Variants in MED12 observed in about 807,000 individuals in gnomAD.
MED12 encodes the protein mediator of RNA polymerase II transcription subunit 12.
In MED12, 10 loss-of-function variants were observed where a neutral mutation model predicts 177.7. That is an observed-to-expected ratio of 0.06 (90% CI 0.03 to 0.10). MED12 has a LOEUF of 0.10. Among genes scored for constraint, MED12 ranks in the 10% least tolerant of loss-of-function variants. MED12 has a pLI of 1.00. For missense variants in MED12, 867 were observed against 1,780.8 expected, an observed-to-expected ratio of 0.49 and a Z score of 9.23; for synonymous variants, 641 against 678.4, an observed-to-expected ratio of 0.94 and a Z score of 0.86.
In MED12 at chrX:71,123,678, G is replaced by T. The variant is rs188593863; in HGVS notation, c.1702G>T (p.Asp568Tyr). Residue 568 changes from aspartate (D) to tyrosine (Y), a missense_variant, in exon 12 of 45, where the codon GAT (aspartate) becomes TAT (tyrosine). Physicochemically the swap from Asp to Tyr is radical, Grantham distance 160. Around this residue, in one of 14 missense-constraint regions of MED12, gnomAD observed 309 missense variants for 556.3 expected, o/e 0.56. Transcript: ENST00000374080. Reference sequence around the variant, plus strand: ...TGCTCCCAGTGCTCCCATTTTCCAGGATGTCCTCCTGCAGTTTCTGGATAC... The same window carrying T: ...TGCTCCCAGTGCTCCCATTTTCCAGTATGTCCTCCTGCAGTTTCTGGATAC... ...LSAPSAPIFQ[D>Y]VLLQFLDTQA... 8.3e-7 allele frequency: 1 copy of T among 1,205,443 alleles called. No individual in the cohort carries two copies. The highest frequency in any genetic ancestry group is 1.8e-5 in the African/African-American group (1 of 57,067).
intron 11 of MED12, 37 bp downstream of exon 11, chrX:71,123,263 T>C (rs770365509): frequency 6.9e-5 from 83 of 1,199,632 alleles, no homozygotes; most frequent in Admixed American, 4.6e-4. Context: ...GATTGGCCAA[T>C]GGGAAGGAAT....
chrX:71,124,377 A>G lies in MED12; in HGVS notation c.1963A>G (p.Ser655Gly), dbSNP rs1569481250. The G allele has an allele frequency of 1.7e-6, 2 of 1,198,505 alleles. No homozygotes were observed. Among genetic ancestry groups the G allele is most frequent in the East Asian group, 3.0e-5 (1 of 33,569 alleles). The change falls in exon 13 of 45, where the codon AGC (serine) becomes GGC (glycine). Residue 655 changes from serine (S) to glycine (G), a missense_variant. Ser to Gly is a moderately conservative substitution (Grantham distance 56). Coordinates refer to ENST00000374080, the MANE Select transcript of MED12 (RefSeq NM_005120.3). ...CAAGGAGGCTGAAGGCAGCAGCAGC[A>G]GCAAGCTGGAAGTGAGTGGGCTTTT... ...EHKEAEGSSS[S>G]KLEDPGLSES... is the part of the protein sequence containing the mutation.
chrX:71,121,515 G>A, intron 6 of MED12, 47 bp from the exon 7 acceptor site: 1 of 1,210,524 alleles, frequency 8.3e-7, no homozygotes, highest in East Asian at 3.0e-5. Context: ...TGTTAGAGCA[G>A]GGTCCCCTGG....
rs1602296000 is a variant in MED12, at chrX:71,123,210, C to T, written c.1601C>T (p.Ala534Val). Residue 534 changes from alanine to valine, a missense_variant, in exon 11 of 45, where the codon GCG (alanine) becomes GTG (valine). Physicochemically the swap from Ala to Val is moderately conservative, Grantham distance 64. This residue lies in a region of MED12 where 309 missense variants were observed against 556.3 expected (regional missense o/e 0.56). Transcript: ENST00000374080. ...VVAKLLEKRQ[A>V]EIEAERCGES... Reference sequence around the variant, plus strand: ...GCCAAGCTCCTGGAGAAGAGACAGGCGGAGATTGAGGCTGAGGTTAGAGGG... The same window carrying T: ...GCCAAGCTCCTGGAGAAGAGACAGGTGGAGATTGAGGCTGAGGTTAGAGGG... 8.3e-7 allele frequency: 1 copy of T among 1,211,118 alleles called. No homozygotes were observed. Among genetic ancestry groups the T allele is most frequent in the Non-Finnish European group, 1.1e-6 (1 of 895,333 alleles).
rs2092307656 is a variant in MED12, at chrX:71,128,031, C to G, written c.3120C>G (p.Gly1040=). 8.3e-7 allele frequency: 1 copy of G among 1,211,433 alleles called. No homozygotes were observed. The highest frequency in any genetic ancestry group is 1.1e-6 in the Non-Finnish European group (1 of 895,307). The part of the protein sequence containing the change: ...AAHTFTYTGL[G]KSLSENPANR... ...ACACCTTCACCTACACGGGGCTAGG[C>G]AAGAGTCTTAGTGAGAACCCTGCTA... Residue 1040 remains glycine (G), a synonymous_variant, in exon 22 of 45, where the codon GGC becomes GGG. Transcript: ENST00000374080.
At chrX:71,140,006 C>T (rs751836386) in intron 41 of MED12, among the ~76,000 whole-genome samples, 1 of 110,509 alleles carries the variant, frequency 9.0e-6, no homozygotes, top group African/African-American at 3.3e-5. Context: ...ACAACAGCAA[C>T]AGCAAAAAAC....
chrX:71,125,910 C>T (rs2092302048), intron 17 of MED12, 126 bp from the exon 18 acceptor site: 1 of 560,486 alleles, frequency 1.8e-6, no homozygotes, highest in African/African-American at 2.3e-5. Flanking sequence ...TCCTTCCTTC[C>T]CTCCCTCCCT....
chrX:71,126,858 C>A, intron 19 of MED12, 111 bp from the exon 20 acceptor site: 1 of 787,730 alleles, frequency 1.3e-6, no homozygotes. Flanking sequence ...CCTGTGGTGG[C>A]TCCAGCAGGA....
At position 71,141,256 on chromosome X, in the gene MED12, GCAGCAGCAGCAGCAACAGCAA is replaced by G; in HGVS notation, c.6318_6338del (p.Gln2109_Gln2115del). On this transcript the variant is annotated inframe_deletion, in exon 43 of 45. Transcript: ENST00000374080. ...AGCAGCAGCAACAGCAACAGCAGCA[GCAGCAGCAGCAGCAACAGCAA>G]CAGCAGCAGCAGCAACAGCAACAAC... The G allele has an allele frequency of 2.6e-6, 3 of 1,162,896 alleles. No homozygotes were observed. The highest frequency in any genetic ancestry group is 3.4e-6 in the Non-Finnish European group (3 of 869,959).
Position 71,136,737 on chromosome X carries a change from G to A in MED12, c.5400+82G>A, listed in dbSNP as rs1234450327. 1.3e-5 allele frequency: 15 copies of A among 1,180,801 alleles called. No homozygotes were observed. In the African/African-American group the frequency reaches 1.6e-4, roughly 13 times the overall value. On this transcript the variant is annotated intron_variant, in intron 37 of 44. Coordinates refer to ENST00000374080, the MANE Select transcript of MED12 (RefSeq NM_005120.3). ...TTTCTGGTTTGTGGGAGGGGTGGGGGCGCATAAGGAAGGGGTGCCATTAGA... is the reference window on the plus strand; with the variant it reads ...TTTCTGGTTTGTGGGAGGGGTGGGGACGCATAAGGAAGGGGTGCCATTAGA...
At chrX:71,130,499 G>A (rs767012184) in intron 28 of MED12, among the ~76,000 whole-genome samples, 4 of 112,664 alleles carry the variant, frequency 3.6e-5, no homozygotes, top group Non-Finnish European at 5.6e-5. Context: ...GGTGTGGGCC[G>A]TGTATATTTG....
rs1355147281 is a variant in MED12, at chrX:71,137,380, C to G, written c.5745C>G (p.Leu1915=). ...VPQGQRLRQQ[L]QQSQGMLGQS... ...AAGGACAGCGCCTTCGCCAACAGCTCCAGGCAAAGATAGTGAGAGGGGCAG... is the reference window on the plus strand; with the variant it reads ...AAGGACAGCGCCTTCGCCAACAGCTGCAGGCAAAGATAGTGAGAGGGGCAG... Residue 1915 remains leucine (L), a synonymous_variant, in exon 39 of 45, where the codon CTC becomes CTG. Coordinates refer to ENST00000374080, the MANE Select transcript of MED12 (RefSeq NM_005120.3). The G allele has an allele frequency of 1.7e-6, 2 of 1,209,090 alleles. No homozygotes were observed. The highest frequency in any genetic ancestry group is 3.0e-5 in the East Asian group (1 of 33,728).
intron 43 of MED12, 144 bp downstream of exon 43, chrX:71,141,514 C>A: frequency 1.2e-6 from 1 of 821,704 alleles, no homozygotes; most frequent in Non-Finnish European, 1.8e-6. Context: ...GGAGGCCAGG[C>A]GCAGTGGCTC....
intron 4 of MED12, among the ~76,000 whole-genome samples, 167 bp downstream of exon 4, chrX:71,120,337 C>T (rs1280632279): frequency 9.1e-6 from 1 of 109,498 alleles, no homozygotes; most frequent in Non-Finnish European, 1.9e-5. Flanking sequence ...TGCGCATATA[C>T]TGGGCTACAA....
chrX:71,129,947 A>G lies in MED12; in HGVS notation c.3868-88A>G. 6.8e-6 allele frequency: 8 copies of G among 1,175,392 alleles called. No homozygotes were observed. The South Asian group carries it at 9.2e-5, about 13-fold the overall frequency. On this transcript the variant is annotated intron_variant, in intron 27 of 44. Coordinates refer to ENST00000374080, the MANE Select transcript of MED12 (RefSeq NM_005120.3). ...TGATCACACCAGCTCCCTACTATAC[A>G]TTGTGTTCCTTAACAACTCCAGCCC...
In MED12 at chrX:71,119,272, C is replaced by T. The variant is rs764744479; in HGVS notation, c.100-101C>T. Reference sequence around the variant, plus strand: ...ATCTGTTCTACACGGAACCCTCCTCCTGCCCTTTCACCTTGTTCCTTCTTT... The same window carrying T: ...ATCTGTTCTACACGGAACCCTCCTCTTGCCCTTTCACCTTGTTCCTTCTTT... On this transcript the variant is annotated intron_variant, in intron 1 of 44. Coordinates refer to ENST00000374080, the MANE Select transcript of MED12 (RefSeq NM_005120.3). 38 of 587,484 alleles carry T rather than the reference C, an allele frequency of 6.5e-5. No homozygotes were observed. The African/African-American group carries it at 7.9e-4, about 12-fold the overall frequency. The allele number at this position is 587,484 out of a possible 1,213,427, so 48.4% of individuals were successfully genotyped here. A position where few individuals can be genotyped will look rare whatever the true frequency, so the allele number is the denominator to read the frequency against.
Position 71,128,329 on chromosome X carries a change from G to C in MED12, c.3243G>C (p.Leu1081=). The change falls in exon 23 of 45, where the codon CTG becomes CTC. Residue 1081 remains leucine (L), a synonymous_variant. Transcript: ENST00000374080. ...ACATCGCAATCCTGTGTGCAGAGCT[G>C]ACCGGCTATTGCAAGTCACTGAGTG... ...VNDIAILCAE[L]TGYCKSLSAE... is the part of the protein sequence containing the mutation. The C allele has an allele frequency of 1.7e-6, 2 of 1,212,059 alleles. No individual in the cohort carries two copies. The highest frequency in any genetic ancestry group is 2.2e-6 in the Non-Finnish European group (2 of 895,573).
rs1466527195 is a variant in MED12 at position 71,129,332 on chromosome X, A to G, written c.3594A>G (p.Gly1198=). ...CTTCCCCAGACAAGCCTACAGTAGG[A>G]ATCCGCTCCTCCTGCGACCGCCACC... The part of the protein sequence containing the change: ...CQSDGNKPTV[G]IRSSCDRHLL... The change falls in exon 26 of 45, where the codon GGA becomes GGG. Residue 1198 remains glycine (G), a synonymous_variant. Transcript: ENST00000374080. 8.3e-7 allele frequency: 1 copy of G among 1,206,714 alleles called. No homozygotes were observed. Among genetic ancestry groups the G allele is most frequent in the East Asian group, 3.0e-5 (1 of 33,813 alleles).
intron 30 of MED12, 35 bp from the exon 31 acceptor site, chrX:71,132,342 C>T (rs1401627889): frequency 8.3e-7 from 1 of 1,206,314 alleles, no homozygotes; most frequent in East Asian, 3.0e-5. Flanking sequence ...TTGCCTGGCT[C>T]CCCTGTGACC....
Sources: allele counts gnomAD v4.1 joint callset (sites outside exome capture counted in the v4.1 genomes callset), GRCh38; gene constraint gnomAD v4.1.1; regional missense constraint gnomAD v4.1.1; transcripts MANE v1.5; gene names NCBI Gene and HGNC (gene_info 2026-07-23, HGNC 2026-07-21).